The following TMEM94 variants were observed in gnomAD, a reference collection of about 807,000 sequenced individuals.
The protein encoded by TMEM94 is transmembrane protein 94.
TMEM94 carries 81 observed loss-of-function variants against 158.6 expected under a neutral mutation model. The ratio of observed to expected loss-of-function variants is 0.51; its 90% CI spans 0.43 to 0.61. The LOEUF is 0.61. Ranked by LOEUF, TMEM94 falls within the 20% of genes least tolerant of loss-of-function variation. TMEM94 has a pLI of 0.00. For synonymous variants in TMEM94, 751 were observed against 730.7 expected, an observed-to-expected ratio of 1.03 and a Z score of -0.45; for missense variants, 1,435 against 1,762.0, an observed-to-expected ratio of 0.81 and a Z score of 3.32.
rs558594153 is a variant in TMEM94, at chr17:75,475,683, C to T, written c.24+3754C>T. ...TGAGGCAGGAGCCCCAGGTATCTGG[C>T]CTCCTTTCTGCCTGGGGGATGCAGG... On this transcript the variant is annotated intron_variant, in intron 2 of 31. Coordinates refer to ENST00000314256, the MANE Select transcript of TMEM94 (RefSeq NM_014738.6). Among the ~76,000 whole-genome samples, 10 of 152,328 alleles carry T rather than the reference C, an allele frequency of 6.6e-5. 1 individual carries two copies. In the East Asian group the frequency reaches 1.9e-3, roughly 29 times the overall value.
Position 75,490,305 on chromosome 17 carries a change from G to T in TMEM94, c.1026G>T (p.Glu342Asp). The change falls in exon 10 of 32, where the codon GAG becomes GAT. Residue 342 changes from glutamate to aspartate, a missense_variant. Physicochemically the swap from Glu to Asp is conservative, Grantham distance 45. This residue lies in a region of TMEM94 where 1,051 missense variants were observed against 1,254.4 expected (regional missense o/e 0.84). Coordinates refer to ENST00000314256, the MANE Select transcript of TMEM94 (RefSeq NM_014738.6). ...GGGTTCTGGCAACTGCCTGTGGAGA[G>T]GCCCGTGTCCTGGCCCAGATGAGCA... ...VLWVLATACG[E>D]ARVLAQMSKA... The T allele has an allele frequency of 6.2e-7, 1 of 1,614,132 alleles. No homozygotes were observed.
At chr17:75,483,641 G>A (rs2051351841) in intron 2 of TMEM94, among the ~76,000 whole-genome samples, 1 of 151,942 alleles carries the variant, frequency 6.6e-6, no homozygotes, top group Admixed American at 6.6e-5. Context: ...TGTATTTTTA[G>A]TAGGGATGGG....
rs1375902362 is a variant in TMEM94 at position 75,498,805 on chromosome 17, G to A, written c.3827+83G>A. 2.2e-5 allele frequency: 33 copies of A among 1,523,010 alleles called. No homozygotes were observed. The highest frequency in any genetic ancestry group is 2.6e-5 in the South Asian group (2 of 77,086). 94.3% of individuals were successfully genotyped at this position (1,523,010 alleles called of 1,614,324 possible). ...AGGGCTAGGATCGGAGGGCGGGACC[G>A]GGGCCAGTGGTTTAACTGTACCCTG... On this transcript the variant is annotated intron_variant, in intron 30 of 31. Coordinates refer to ENST00000314256, the MANE Select transcript of TMEM94 (RefSeq NM_014738.6). The surrounding 1 kb of genome is among the most constrained non-coding windows in gnomAD (Gnocchi z 6.7).
At position 75,491,494 on chromosome 17, in the gene TMEM94, T is replaced by C. The variant is rs769092073; in HGVS notation, c.1386+39T>C. 11 of 1,613,598 alleles carry C rather than the reference T, an allele frequency of 6.8e-6. No homozygotes were observed. Among genetic ancestry groups the C allele is most frequent in the Non-Finnish European group, 9.3e-6 (11 of 1,179,906 alleles). ...TACGGCCGGCTCCCATGGGCCCGACTCTGGGCCAGGCTGTTTAGCCTTGGA... is the reference window on the plus strand; with the variant it reads ...TACGGCCGGCTCCCATGGGCCCGACCCTGGGCCAGGCTGTTTAGCCTTGGA... On this transcript the variant is annotated intron_variant, in intron 13 of 31. Transcript: ENST00000314256. The surrounding 1 kb of genome is among the most constrained non-coding windows in gnomAD (Gnocchi z 5.1).
At chr17:75,464,683 C>CTTTCCTCT (rs2050239346) in intron 1 of TMEM94, among the ~76,000 whole-genome samples, 1 of 68,416 alleles carries the variant, frequency 1.5e-5, no homozygotes, top group African/African-American at 3.6e-5. Context: ...TTCCTTCTTT[C>CTTTCCTCT]TTTCTTTCTT....
At chr17:75,480,084 G>C (rs1359984060) in intron 2 of TMEM94, among the ~76,000 whole-genome samples, 1 of 149,286 alleles carries the variant, frequency 6.7e-6, no homozygotes, top group Admixed American at 6.6e-5. Context: ...AGCAAGACCC[G>C]GTCTCAAAGG....
Position 75,471,940 on chromosome 17 carries a change from T to A in TMEM94, c.24+11T>A. 6.2e-7 allele frequency: 1 copy of A among 1,613,438 alleles called. No individual in the cohort carries two copies. Among genetic ancestry groups the A allele is most frequent in the African/African-American group, 1.3e-5 (1 of 75,024 alleles). On this transcript the variant is annotated intron_variant, in intron 2 of 31. Transcript: ENST00000314256. ...AAGGAGAAGCACCTGGTAGGCCATATCCTATTACCTTATAGGTATTGTCTG... is the reference window on the plus strand; with the variant it reads ...AAGGAGAAGCACCTGGTAGGCCATAACCTATTACCTTATAGGTATTGTCTG...
At position 75,488,789 on chromosome 17, in the gene TMEM94, G is replaced by C. The variant is rs774399231; in HGVS notation, c.643G>C (p.Asp215His). 6.2e-7 allele frequency: 1 copy of C among 1,613,866 alleles called. No homozygotes were observed. The highest frequency in any genetic ancestry group is 1.1e-5 in the South Asian group (1 of 91,014). ...DDEHIVLEPGDLFPPFSPPPS... is the reference protein window; with the variant it reads ...DDEHIVLEPGHLFPPFSPPPS... ...CGAGCACATCGTCCTGGAGCCGGGA[G>C]ACCTCTTCCCCCCCTTCTCCCCTCC... is the stretch of plus-strand genomic sequence containing the variant. The change falls in exon 7 of 32, where the codon GAC becomes CAC. Residue 215 changes from aspartate (D) to histidine (H), a missense_variant. This residue lies in a region of TMEM94 where 1,051 missense variants were observed against 1,254.4 expected (regional missense o/e 0.84). Transcript: ENST00000314256.
intron 1 of TMEM94, among the ~76,000 whole-genome samples, chr17:75,470,704 CAAAA>C (rs1210801967): frequency 2.6e-5 from 3 of 117,498 alleles, no homozygotes; most frequent in South Asian, 5.4e-4. Flanking sequence ...GACTCTGTCT[CAAAA>C]AAAAAAAAAA....
chr17:75,462,067 G>A (rs1432272285), intron 1 of TMEM94, among the ~76,000 whole-genome samples: 3 of 122,774 alleles, frequency 2.4e-5, no homozygotes, highest in Non-Finnish European at 4.8e-5. Context: ...CTGGAGTGCA[G>A]TGGCACGATC....
At chr17:75,486,235 C>T in intron 4 of TMEM94, 55 bp from the exon 5 acceptor site, 1 of 1,606,982 alleles carries the variant, frequency 6.2e-7, no homozygotes, top group Non-Finnish European at 8.5e-7. Flanking sequence ...CTGGGGGCTG[C>T]TGGGTGGGCG....
At chr17:75,473,285 G>T (rs1052771030) in intron 2 of TMEM94, among the ~76,000 whole-genome samples, 2 of 152,208 alleles carry the variant, frequency 1.3e-5, no homozygotes, top group East Asian at 3.9e-4. Flanking sequence ...CCACCTCTGG[G>T]TGCTCAGCAG....
At chr17:75,482,221 C>T (rs1237357165) in intron 2 of TMEM94, among the ~76,000 whole-genome samples, 6 of 152,090 alleles carry the variant, frequency 3.9e-5, no homozygotes, top group African/African-American at 1.4e-4. Context: ...CAGCATGTGC[C>T]TGTAGTCCCA....
rs1334926124 is a variant in TMEM94 at position 75,491,053 on chromosome 17, T to TG, written c.1134dup (p.Leu379AlafsTer69). On this transcript the variant is annotated frameshift_variant, in exon 12 of 32. Coordinates refer to ENST00000314256, the MANE Select transcript of TMEM94 (RefSeq NM_014738.6). LOFTEE classifies it high-confidence loss of function. The surrounding 1 kb of genome is among the most constrained non-coding windows in gnomAD (Gnocchi z 5.1). ...AGACTTCCTCTCTCCCACCAGGAAA[T>TG]GCTGCGCTGCATTTGGGGCCACTTC... 1.2e-6 allele frequency: 2 copies of TG among 1,608,754 alleles called. No individual in the cohort carries two copies. Among genetic ancestry groups the TG allele is most frequent in the Non-Finnish European group, 1.7e-6 (2 of 1,177,394 alleles).
intron 1 of TMEM94, among the ~76,000 whole-genome samples, chr17:75,458,337 G>A (rs539520852): frequency 2.6e-5 from 4 of 151,710 alleles, no homozygotes; most frequent in African/African-American, 9.7e-5. Flanking sequence ...TGAAGAGGTA[G>A]TTTAAAAAAA....
rs368742115 is a variant in TMEM94 at position 75,489,703 on chromosome 17, C to T, written c.954+41C>T. 9.2e-6 allele frequency: 14 copies of T among 1,518,050 alleles called. No individual in the cohort carries two copies. In the African/African-American group the frequency reaches 1.5e-4, roughly 16 times the overall value. The allele number at this position is 1,518,050 out of a possible 1,614,324, so 94.0% of individuals were successfully genotyped here. A position where few individuals can be genotyped will look rare whatever the true frequency, so the allele number is the denominator to read the frequency against. ...TCCTCTCTGTCATGCTTCCCTCCGA[C>T]CCGCAGGGCTGGCTCTTCTCCTAGT... On this transcript the variant is annotated intron_variant, in intron 9 of 31. Coordinates refer to ENST00000314256, the MANE Select transcript of TMEM94 (RefSeq NM_014738.6). The surrounding 1 kb of genome is among the most constrained non-coding windows in gnomAD (Gnocchi z 5.0).
Position 75,492,730 on chromosome 17 carries a change from A to G in TMEM94, c.1853A>G (p.His618Arg). 6.2e-7 allele frequency: 1 copy of G among 1,610,858 alleles called. No homozygotes were observed. ...TGCAACATCGCCCTGCAAGAGAGCC[A>G]CAGCGCCGTGCTGCCCGTCCATGTG... Reference protein sequence around the residue: ...HLCNIALQESHSAVLPVHVPW... With the variant: ...HLCNIALQESRSAVLPVHVPW... The change falls in exon 15 of 32, where the codon CAC becomes CGC. Residue 618 changes from histidine to arginine, a missense_variant. By Grantham distance (29) the His-to-Arg change is conservative. Transcript: ENST00000314256. The surrounding 1 kb of genome is among the most constrained non-coding windows in gnomAD (Gnocchi z 4.4).
At chr17:75,464,096 C>T (rs2050202119) in intron 1 of TMEM94, among the ~76,000 whole-genome samples, 1 of 152,188 alleles carries the variant, frequency 6.6e-6, no homozygotes. Context: ...CTTGGGCTCC[C>T]ACTTAGTTCT....
Position 75,499,037 on chromosome 17 carries a change from TC to T in TMEM94, c.3955del (p.Val1320TrpfsTer3). ...TGGCTCCTGGGCTGCCTGTCCCTGGTCCTTGTGGTGGTGACCAATGAGATCG... is the reference window on the plus strand; with the variant it reads ...TGGCTCCTGGGCTGCCTGTCCCTGGTCTTGTGGTGGTGACCAATGAGATCG... Reference protein sequence around the residue: ...LTWLLGCLSLVLVVVTNEIVK... With the variant: ...LTWLLGCLSLXLVVVTNEIVK... On this transcript the variant is annotated frameshift_variant, in exon 31 of 32. Coordinates refer to ENST00000314256, the MANE Select transcript of TMEM94 (RefSeq NM_014738.6). LOFTEE classifies it high-confidence loss of function. 6.2e-7 allele frequency: 1 copy of T among 1,601,724 alleles called. No individual in the cohort carries two copies.
Sources: allele counts gnomAD v4.1 joint callset (sites outside exome capture counted in the v4.1 genomes callset), GRCh38; gene constraint gnomAD v4.1.1; regional missense constraint gnomAD v4.1.1; non-coding constraint Gnocchi (gnomAD v3.1); transcripts MANE v1.5; gene names NCBI Gene and HGNC (gene_info 2026-07-23, HGNC 2026-07-21).